SUCLG2: variants seen among roughly 807,000 people sequenced by gnomAD.
SUCLG2 encodes the protein succinate-CoA ligase GDP-forming subunit beta.
Under a neutral mutation model 47.9 loss-of-function variants are expected in SUCLG2, and 42 were observed. That is an observed-to-expected ratio of 0.88 (90% CI 0.69 to 1.14). The LOEUF is 1.14. SUCLG2 is among the 50% of genes most tolerant of loss of function. SUCLG2 has a pLI of 0.00. For missense variants in SUCLG2, 571 were observed against 525.9 expected (o/e 1.09, Z -0.84); for synonymous variants, 195 against 197.3 (o/e 0.99, Z 0.10).
chr3:67,488,266 A>G (rs991502698), intron 9 of SUCLG2, among the ~76,000 whole-genome samples: 1 of 152,170 alleles, frequency 6.6e-6, no homozygotes, highest in African/African-American at 2.4e-5. Flanking sequence ...TTAGCAAACT[A>G]CTAAGTCGAG....
At chr3:67,598,509 A>G (rs187421226) in intron 2 of SUCLG2, among the ~76,000 whole-genome samples, 166 of 152,356 alleles carry the variant, frequency 1.1e-3, no homozygotes, top group African/African-American at 3.9e-3. Context: ...AGAGACAGAA[A>G]TTCTAAGCTT....
intron 10 of SUCLG2, 31 bp from the exon 11 acceptor site, chr3:67,375,890 T>C: frequency 6.2e-7 from 1 of 1,605,612 alleles, no homozygotes; most frequent in African/African-American, 1.3e-5. Flanking sequence ...AATCACTGAA[T>C]GAAACTAGAG....
chr3:67,531,781 A>G (rs556066402), intron 2 of SUCLG2, among the ~76,000 whole-genome samples: 1 of 152,296 alleles, frequency 6.6e-6, no homozygotes. Flanking sequence ...TCATCTTGAG[A>G]AAAACTCTCA....
intron 9 of SUCLG2, among the ~76,000 whole-genome samples, chr3:67,442,289 C>G (rs1291389303): frequency 1.3e-5 from 2 of 152,130 alleles, no homozygotes; most frequent in African/African-American, 2.4e-5. Context: ...GGATTACAGG[C>G]GTGAGCCACC....
At chr3:67,501,103 C>T (rs1053346173) in intron 7 of SUCLG2, among the ~76,000 whole-genome samples, 2 of 152,098 alleles carry the variant, frequency 1.3e-5, no homozygotes, top group African/African-American at 2.4e-5. Flanking sequence ...ATATCTACAA[C>T]GGTCCTGTGC....
chr3:67,629,954 C>T (rs1204057828), intron 1 of SUCLG2, among the ~76,000 whole-genome samples: 1 of 152,048 alleles, frequency 6.6e-6, no homozygotes, highest in Non-Finnish European at 1.5e-5. Flanking sequence ...TTCTCTAATC[C>T]TACTCTCTGC....
At chr3:67,416,542 T>G (rs1703043782) in intron 9 of SUCLG2, among the ~76,000 whole-genome samples, 1 of 152,216 alleles carries the variant, frequency 6.6e-6, no homozygotes, top group Admixed American at 6.5e-5. Flanking sequence ...GACAATTTGG[T>G]ATCCTATTAG....
chr3:67,467,756 C>A (rs116341583), intron 9 of SUCLG2, among the ~76,000 whole-genome samples: 3 of 151,952 alleles, frequency 2.0e-5, no homozygotes, highest in Non-Finnish European at 4.4e-5. Flanking sequence ...CTCATAGCAA[C>A]CCTGCTGAGT....
chr3:67,562,959 T>C (rs1038646211), intron 2 of SUCLG2, among the ~76,000 whole-genome samples: 2 of 151,866 alleles, frequency 1.3e-5, no homozygotes, highest in Non-Finnish European at 2.9e-5. Context: ...TGGAAAACTA[T>C]ATAATTTACA....
intron 2 of SUCLG2, among the ~76,000 whole-genome samples, chr3:67,586,399 GT>G (rs955314817): frequency 6.6e-6 from 1 of 152,074 alleles, no homozygotes; most frequent in Non-Finnish European, 1.5e-5. Context: ...CAAATGATGT[GT>G]TTCATTTTTT....
chr3:67,609,525 G>A lies in SUCLG2; in HGVS notation c.156C>T (p.Asn52=), dbSNP rs762427842. 13 of 1,613,766 alleles carry A rather than the reference G, an allele frequency of 8.1e-6. No individual in the cohort carries two copies. The highest frequency in any genetic ancestry group is 6.6e-5 in the South Asian group (6 of 91,064). ...EYQSKKLMSD[N]GVRVQRFFVA... ...CAAAGAATCTTTGAACTCTCACTCCGTTGTCAGACATCAGTTTCTTGCTCT... is the reference window on the plus strand; with the variant it reads ...CAAAGAATCTTTGAACTCTCACTCCATTGTCAGACATCAGTTTCTTGCTCT... The change falls in exon 2 of 11, where the codon AAC becomes AAT. Residue 52 remains asparagine, a synonymous_variant. Coordinates refer to ENST00000307227, the MANE Select transcript of SUCLG2 (RefSeq NM_003848.4).
downstream of SUCLG2, among the ~76,000 whole-genome samples, chr3:67,374,048 G>A (rs568890851): frequency 6.6e-6 from 1 of 152,276 alleles, no homozygotes; most frequent in African/African-American, 2.4e-5. Context: ...ATTTACAAGT[G>A]ATTCAAACAT....
intron 2 of SUCLG2, among the ~76,000 whole-genome samples, chr3:67,579,182 T>C (rs1707818832): frequency 6.6e-6 from 1 of 152,154 alleles, no homozygotes; most frequent in Admixed American, 6.5e-5. Flanking sequence ...TCCTTCCTCA[T>C]TAATAGATCA....
chr3:67,374,707 TAC>T, downstream of SUCLG2: 3 of 862,084 alleles, frequency 3.5e-6, no homozygotes, highest in Non-Finnish European at 4.2e-6. Context: ...AAATGAGAGA[TAC>T]ACACAGATCT....
intron 2 of SUCLG2, among the ~76,000 whole-genome samples, chr3:67,571,369 G>T (rs1707602748): frequency 6.6e-6 from 1 of 152,180 alleles, no homozygotes; most frequent in Non-Finnish European, 1.5e-5. Flanking sequence ...TCAGGTTTAA[G>T]AAACCCTGCA....
downstream of SUCLG2, among the ~76,000 whole-genome samples, chr3:67,371,932 A>G (rs920340727): frequency 3.9e-5 from 6 of 152,164 alleles, no homozygotes; most frequent in African/African-American, 1.4e-4. Context: ...TAGAGTTGCT[A>G]AAGAGGATTA....
chr3:67,558,509 T>C (rs1707222456), intron 2 of SUCLG2, among the ~76,000 whole-genome samples: 1 of 152,184 alleles, frequency 6.6e-6, no homozygotes, highest in African/African-American at 2.4e-5. Context: ...ATTTGATTCC[T>C]CACTGTTCTT....
chr3:67,398,170 G>A (rs1327075935), intron 10 of SUCLG2, among the ~76,000 whole-genome samples: 95 of 145,188 alleles, frequency 6.5e-4, no homozygotes, highest in Middle Eastern at 7.8e-3. Context: ...ATTGACAAAT[G>A]GGATCTAATT....
At chr3:67,457,634 A>T (rs909934876) in intron 9 of SUCLG2, among the ~76,000 whole-genome samples, 17 of 149,240 alleles carry the variant, frequency 1.1e-4, no homozygotes, top group African/African-American at 4.0e-4. Flanking sequence ...AAAACTATAT[A>T]AATTGTTTTC....
Sources: allele counts gnomAD v4.1 joint callset (sites outside exome capture counted in the v4.1 genomes callset), GRCh38; gene constraint gnomAD v4.1.1; transcripts MANE v1.5; gene names NCBI Gene and HGNC (gene_info 2026-07-23, HGNC 2026-07-21).